Variants in RBM19 observed in about 807,000 individuals in gnomAD.
The protein encoded by RBM19 is RNA binding motif protein 19.
Under a neutral mutation model 116.8 loss-of-function variants are expected in RBM19, and 94 were observed. The ratio of observed to expected loss-of-function variants is 0.80; its 90% CI spans 0.68 to 0.95. The LOEUF (loss-of-function observed/expected upper bound fraction) is 0.95. Ranked by LOEUF, RBM19 falls within the 40% of genes least tolerant of loss-of-function variation. The probability of loss-of-function intolerance (pLI) is 0.00; values close to 1 mark genes in which losing one functional copy is unlikely to be tolerated. For missense variants in RBM19, 1,161 were observed against 1,220.7 expected (o/e 0.95, Z 0.73); for synonymous variants, 475 against 494.1 (o/e 0.96, Z 0.51).
In RBM19 at chr12:113,959,211, C is replaced by A; in HGVS notation, c.571+1G>T. On this transcript the variant is annotated splice_donor_variant, in intron 5 of 23. Coordinates refer to ENST00000261741, the MANE Select transcript of RBM19 (RefSeq NM_016196.4). LOFTEE classifies it high-confidence loss of function. Reference sequence around the variant, plus strand: ...GGAGCACACAGTCCCCATGCCCTCACCTTCCAGGTCCTCCCCGGCTCCCTC... The same window carrying A: ...GGAGCACACAGTCCCCATGCCCTCAACTTCCAGGTCCTCCCCGGCTCCCTC... The A allele has an allele frequency of 3.7e-6, 6 of 1,608,480 alleles. No homozygotes were observed. The South Asian group carries it at 6.6e-5, about 18-fold the overall frequency.
intron 22 of RBM19, 127 bp downstream of exon 22, chr12:113,858,664 A>C (rs978675303): frequency 1.9e-5 from 16 of 852,810 alleles, no homozygotes; most frequent in African/African-American, 3.4e-5. Context: ...AAGCAGAAAC[A>C]AAGGCAAAAA....
At chr12:113,877,262 G>A (rs1879737279) in intron 21 of RBM19, among the ~76,000 whole-genome samples, 1 of 152,238 alleles carries the variant, frequency 6.6e-6, no homozygotes, top group Non-Finnish European at 1.5e-5. Context: ...GGTTGGAACT[G>A]TGCTGTCCCA....
rs778641366 is a variant in RBM19 at position 113,924,657 on chromosome 12, G to A, written c.2305+40C>T. 8.0e-6 allele frequency: 12 copies of A among 1,503,214 alleles called. No homozygotes were observed. The African/African-American group carries it at 8.3e-5, about 10-fold the overall frequency. The allele number at this position is 1,503,214 out of a possible 1,614,324, so 93.1% of individuals were successfully genotyped here. A position where few individuals can be genotyped will look rare whatever the true frequency, so the allele number is the denominator to read the frequency against. ...GCTTCTTTTGGAATCCACTCTTTCC[G>A]GCTGAATACTGAACACTTTCCGAAT... On this transcript the variant is annotated intron_variant, in intron 18 of 23. Coordinates refer to ENST00000261741, the MANE Select transcript of RBM19 (RefSeq NM_016196.4).
intron 21 of RBM19, among the ~76,000 whole-genome samples, chr12:113,897,026 C>A (rs1746498553): frequency 6.6e-6 from 1 of 152,224 alleles, no homozygotes; most frequent in Admixed American, 6.5e-5. Context: ...CACTGTGGCA[C>A]CCTGAGGTGC....
At position 113,876,534 on chromosome 12, in the gene RBM19, T is replaced by C. The variant is rs568214907; in HGVS notation, c.2559-17638A>G. Reference sequence around the variant, plus strand: ...GGTTGAGCATGGTGGCTTATGCTTGTAATCCCAGCACTTTGGGAGGCTGAG... The same window carrying C: ...GGTTGAGCATGGTGGCTTATGCTTGCAATCCCAGCACTTTGGGAGGCTGAG... On this transcript the variant is annotated intron_variant, in intron 21 of 23. Coordinates refer to ENST00000261741, the MANE Select transcript of RBM19 (RefSeq NM_016196.4). Among the ~76,000 whole-genome samples, 12 of 152,304 alleles carry C rather than the reference T, an allele frequency of 7.9e-5. No individual in the cohort carries two copies. In the East Asian group the frequency reaches 1.7e-3, roughly 22 times the overall value.
At chr12:113,960,805 T>A (rs1027313198) in intron 2 of RBM19, among the ~76,000 whole-genome samples, 1 of 152,162 alleles carries the variant, frequency 6.6e-6, no homozygotes, top group African/African-American at 2.4e-5. Flanking sequence ...TCTAGGGTGA[T>A]AGGGGCACTG....
At chr12:113,928,292 A>G (rs145002651) in intron 16 of RBM19, among the ~76,000 whole-genome samples, 14 of 152,212 alleles carry the variant, frequency 9.2e-5, no homozygotes, top group African/African-American at 2.4e-4. Flanking sequence ...AGCTGAGATC[A>G]TGCCACTGCA....
At chr12:113,863,520 C>G (rs1010140744) in intron 21 of RBM19, among the ~76,000 whole-genome samples, 2 of 152,188 alleles carry the variant, frequency 1.3e-5, no homozygotes, top group African/African-American at 2.4e-5. Context: ...CTTAACCCCA[C>G]AGCCTGCATG....
Position 113,940,212 on chromosome 12 carries a change from C to T in RBM19, c.1738-52G>A, listed in dbSNP as rs766080252. On this transcript the variant is annotated intron_variant, in intron 14 of 23. Transcript: ENST00000261741. ...GGACCACAGGAGGGAGGAGGGTCCC[C>T]AGCTGACACCAGCAGGGATCGTGGG... 3.2e-6 allele frequency: 5 copies of T among 1,542,224 alleles called. No homozygotes were observed. In the Admixed American group the frequency reaches 6.8e-5, roughly 21 times the overall value.
intron 23 of RBM19, among the ~76,000 whole-genome samples, chr12:113,828,695 G>A (rs1875097292): frequency 6.6e-6 from 1 of 152,170 alleles, no homozygotes; most frequent in Non-Finnish European, 1.5e-5. Context: ...ACCGCAGGGG[G>A]GCTGGGCACC....
At chr12:113,955,698 T>C (rs1871876652) in intron 6 of RBM19, among the ~76,000 whole-genome samples, 1 of 152,196 alleles carries the variant, frequency 6.6e-6, no homozygotes, top group Non-Finnish European at 1.5e-5. Flanking sequence ...TCTGGTAACC[T>C]TTATGGCAAC....
At chr12:113,832,506 A>G (rs984789717) in intron 23 of RBM19, among the ~76,000 whole-genome samples, 7 of 152,176 alleles carry the variant, frequency 4.6e-5, no homozygotes, top group African/African-American at 1.7e-4. Flanking sequence ...TGATCATTTC[A>G]AAGAGGTCAG....
chr12:113,887,433 C>T (rs1395429895), intron 21 of RBM19, among the ~76,000 whole-genome samples: 4 of 151,834 alleles, frequency 2.6e-5, no homozygotes, highest in African/African-American at 4.8e-5. Flanking sequence ...GTCAGGAGAT[C>T]GAGACCATCC....
At chr12:113,909,886 A>G (rs75795339) in intron 21 of RBM19, among the ~76,000 whole-genome samples, 14,165 of 152,224 alleles carry the variant, frequency 0.093, 767 homozygotes, top group African/African-American at 0.13. Flanking sequence ...GGCGTCTCAC[A>G]TACTTGACTC....
chr12:113,881,809 G>GAA (rs1880153922), intron 21 of RBM19, among the ~76,000 whole-genome samples: 1 of 152,242 alleles, frequency 6.6e-6, no homozygotes, highest in Non-Finnish European at 1.5e-5. Context: ...AAAACCACAT[G>GAA]TTGCTTCCTT....
At chr12:113,908,791 C>G (rs1223085002) in intron 21 of RBM19, among the ~76,000 whole-genome samples, 1 of 152,098 alleles carries the variant, frequency 6.6e-6, no homozygotes, top group African/African-American at 2.4e-5. Flanking sequence ...GACTGCTGAA[C>G]CTCTCTGTGC....
At chr12:113,928,625 A>ATGTGTGGGTGTGTGTG (rs1869333491) in intron 16 of RBM19, among the ~76,000 whole-genome samples, 1 of 120,334 alleles carries the variant, frequency 8.3e-6, no homozygotes, top group African/African-American at 3.0e-5. Flanking sequence ...TTAGCAAGGG[A>ATGTGTGGGTGTGTGTG]TGTGTGTGTG....
intron 21 of RBM19, among the ~76,000 whole-genome samples, chr12:113,901,522 C>T (rs890773279): frequency 1.1e-4 from 16 of 152,066 alleles, no homozygotes; most frequent in Non-Finnish European, 1.9e-4. Context: ...TTCATTCATT[C>T]ATTCGAGACA....
intron 22 of RBM19, among the ~76,000 whole-genome samples, chr12:113,853,841 C>T (rs34567800): frequency 6.6e-6 from 1 of 152,150 alleles, no homozygotes; most frequent in Non-Finnish European, 1.5e-5. Flanking sequence ...CCTCTGGGGG[C>T]TGGGGGGAGT....
Sources: allele counts gnomAD v4.1 joint callset (sites outside exome capture counted in the v4.1 genomes callset), GRCh38; gene constraint gnomAD v4.1.1; transcripts MANE v1.5; gene names NCBI Gene and HGNC (gene_info 2026-07-23, HGNC 2026-07-21).